Variants in SLC38A9 observed in about 807,000 individuals in gnomAD.
SLC38A9 encodes solute carrier family 38 member 9.
Under a neutral mutation model 62.3 loss-of-function variants are expected in SLC38A9, and 48 were observed. The observed-to-expected ratio is 0.77, with a 90% CI of 0.61 to 0.98. The LOEUF (loss-of-function observed/expected upper bound fraction) is 0.98. Among genes scored for constraint, SLC38A9 ranks in the 50% least tolerant of loss-of-function variants. The probability of loss-of-function intolerance (pLI) is 0.00; values close to 1 mark genes in which losing one functional copy is unlikely to be tolerated. For missense variants in SLC38A9, 541 were observed against 679.8 expected, an observed-to-expected ratio of 0.80 and a Z score of 2.27; for synonymous variants, 204 against 227.7, an observed-to-expected ratio of 0.90 and a Z score of 0.94.
chr5:55,643,969 TTTA>T (rs200108901), intron 12 of SLC38A9, among the ~76,000 whole-genome samples: 3,899 of 152,356 alleles, frequency 0.026, 63 homozygotes, highest in Non-Finnish European at 0.039. Flanking sequence ...TATTTATTTA[TTTA>T]TTTTTTGAGA....
chr5:55,702,501 T>G (rs114101998), intron 2 of SLC38A9, among the ~76,000 whole-genome samples: 1,587 of 152,082 alleles, frequency 0.01, 23 homozygotes, highest in African/African-American at 0.037. Flanking sequence ...TCAAGTAATC[T>G]TTCTGCCTCA....
chr5:55,683,169 T>C (rs1580338122), intron 3 of SLC38A9, among the ~76,000 whole-genome samples: 1 of 152,140 alleles, frequency 6.6e-6, no homozygotes, highest in Non-Finnish European at 1.5e-5. Flanking sequence ...AAAAACGTCA[T>C]AGAAAAGAAG....
rs554979482 is a variant in SLC38A9 at position 55,692,170 on chromosome 5, G to A, written c.113+5676C>T. Among the ~76,000 whole-genome samples, 46 of 152,228 alleles carry A rather than the reference G, an allele frequency of 3.0e-4. No homozygotes were observed. The South Asian group carries it at 4.6e-3, about 15-fold the overall frequency. On this transcript the variant is annotated intron_variant, in intron 3 of 15. Transcript: ENST00000396865. ...AACTAGTTGGTATTTAATGCAATGC[G>A]TATTAGAAAAAAAGCATAAACAACA...
intron 12 of SLC38A9, among the ~76,000 whole-genome samples, chr5:55,636,519 A>T (rs190943306): frequency 1.5e-4 from 23 of 152,358 alleles, no homozygotes; most frequent in African/African-American, 5.3e-4. Flanking sequence ...TTTTCATTTT[A>T]AACAAAAATT....
At chr5:55,653,020 C>A (rs2408026) in intron 9 of SLC38A9, among the ~76,000 whole-genome samples, 90,369 of 151,866 alleles carry the variant, frequency 0.6, 27,553 homozygotes, top group South Asian at 0.7. Flanking sequence ...AGGCTGGAGT[C>A]CAGTGGCGTG....
chr5:55,626,583 C>T lies in SLC38A9; in HGVS notation c.1597G>A (p.Glu533Lys), dbSNP rs765452331. ...AATTTAGGCCATGTCAGACGCTCTT[C>T]TTGGTGGAGGGAAATTATATAGATG... ...SLIYIISLHQ[E>K]ERLTWPKLIF... Residue 533 changes from glutamate (E) to lysine (K), a missense_variant, in exon 16 of 16, where the codon GAA becomes AAA. By Grantham distance (56) the Glu-to-Lys change is moderately conservative. Coordinates refer to ENST00000396865, the MANE Select transcript of SLC38A9 (RefSeq NM_173514.4). The T allele has an allele frequency of 1.2e-6, 2 of 1,613,838 alleles. No individual in the cohort carries two copies. Among genetic ancestry groups the T allele is most frequent in the Non-Finnish European group, 1.7e-6 (2 of 1,179,862 alleles).
chr5:55,691,434 C>A, intron 3 of SLC38A9: 1 of 1,055,156 alleles, frequency 9.5e-7, no homozygotes, highest in Non-Finnish European at 1.2e-6. Context: ...TATGAAATCC[C>A]TAGGCCCTGG....
chr5:55,691,939 C>A (rs1356099442), intron 3 of SLC38A9, among the ~76,000 whole-genome samples: 2 of 152,178 alleles, frequency 1.3e-5, no homozygotes, highest in African/African-American at 2.4e-5. Flanking sequence ...AAAGGATAAG[C>A]GAACCATCAT....
intron 3 of SLC38A9, 195 bp from the exon 4 acceptor site, chr5:55,672,890 C>T (rs558756802): frequency 4.3e-6 from 2 of 469,454 alleles, no homozygotes; most frequent in Non-Finnish European, 7.2e-6. Flanking sequence ...GCTTTTGTCT[C>T]ATAACACTTT....
At chr5:55,660,775 A>G (rs956822529) in intron 8 of SLC38A9, among the ~76,000 whole-genome samples, 2 of 152,150 alleles carry the variant, frequency 1.3e-5, no homozygotes, top group Admixed American at 6.6e-5. Flanking sequence ...GATTTACAGT[A>G]TATCTTTGGT....
intron 3 of SLC38A9, among the ~76,000 whole-genome samples, chr5:55,683,366 A>T (rs1177506326): frequency 6.6e-6 from 1 of 152,168 alleles, no homozygotes; most frequent in Non-Finnish European, 1.5e-5. Flanking sequence ...GAGACTACCA[A>T]GGTAATTTAA....
chr5:55,633,404 A>G (rs1358576602), intron 14 of SLC38A9: 1 of 163,310 alleles, frequency 6.1e-6, no homozygotes, highest in African/African-American at 2.4e-5. Flanking sequence ...TTCAATGACC[A>G]ATAATTAAAA....
chr5:55,656,924 G>A (rs1239144234), intron 8 of SLC38A9, 150 bp from the exon 9 acceptor site: 8 of 362,576 alleles, frequency 2.2e-5, no homozygotes, highest in Admixed American at 4.7e-5. Context: ...GCAGTGGCAC[G>A]ATCTTGGCTT....
chr5:55,644,603 G>GT, intron 12 of SLC38A9, among the ~76,000 whole-genome samples: 1 of 151,990 alleles, frequency 6.6e-6, no homozygotes, highest in Non-Finnish European at 1.5e-5. Flanking sequence ...TGTATTTTTA[G>GT]TAGAGACGGC....
intron 7 of SLC38A9, among the ~76,000 whole-genome samples, chr5:55,666,078 T>G (rs1235382260): frequency 6.6e-6 from 1 of 152,180 alleles, no homozygotes; most frequent in African/African-American, 2.4e-5. Flanking sequence ...CGTGTGCAAC[T>G]GTATACAATC....
At chr5:55,627,789 T>C (rs550793220) in intron 15 of SLC38A9, 102 bp downstream of exon 15, 20 of 704,504 alleles carry the variant, frequency 2.8e-5, no homozygotes, top group Non-Finnish European at 3.9e-5. Flanking sequence ...TAAATACTCA[T>C]AGGAATTTCA....
chr5:55,656,659 T>C lies in SLC38A9; in HGVS notation c.757+56A>G, dbSNP rs955646570. 13 of 1,197,806 alleles carry C rather than the reference T, an allele frequency of 1.1e-5. No homozygotes were observed. In the African/African-American group the frequency reaches 2.0e-4, roughly 18 times the overall value. The allele number at this position is 1,197,806 out of a possible 1,614,324, so 74.2% of individuals were successfully genotyped here. The stretch of plus-strand genomic sequence containing the variant: ...ATAAGGTCACATGTTCTACCTTAAA[T>C]CCTTTTTGGAGCAAGGTGGAGAGTA... On this transcript the variant is annotated intron_variant, in intron 9 of 15. Coordinates refer to ENST00000396865, the MANE Select transcript of SLC38A9 (RefSeq NM_173514.4).
chr5:55,655,180 C>T (rs1580190439), intron 9 of SLC38A9, among the ~76,000 whole-genome samples: 1 of 152,144 alleles, frequency 6.6e-6, no homozygotes, highest in African/African-American at 2.4e-5. Flanking sequence ...TTGTTTCATA[C>T]TCTCATTGTT....
intron 8 of SLC38A9, among the ~76,000 whole-genome samples, chr5:55,663,149 C>T (rs185674046): frequency 2.2e-4 from 34 of 151,932 alleles, no homozygotes; most frequent in African/African-American, 7.7e-4. Flanking sequence ...CCAGCCTCGT[C>T]CTCCCAAAGT....
Sources: allele counts gnomAD v4.1 joint callset (sites outside exome capture counted in the v4.1 genomes callset), GRCh38; gene constraint gnomAD v4.1.1; transcripts MANE v1.5; gene names NCBI Gene and HGNC (gene_info 2026-07-23, HGNC 2026-07-21).